The following FRMD6 variants were observed in gnomAD, a reference collection of about 807,000 sequenced individuals.
The protein encoded by FRMD6 is FERM domain-containing protein 6.
In FRMD6, 37 loss-of-function variants were observed where a neutral mutation model predicts 73.2. That is an observed-to-expected ratio of 0.51 (90% CI 0.39 to 0.66). FRMD6 has a LOEUF of 0.66. Ranked by LOEUF, FRMD6 falls within the 30% of genes least tolerant of loss-of-function variation. The pLI is 0.00. For synonymous variants in FRMD6, 273 were observed against 282.2 expected (o/e 0.97, Z 0.33); for missense variants, 714 against 780.5 (o/e 0.91, Z 1.02).
At chr14:51,711,666 T>C in intron 8 of FRMD6, 70 bp downstream of exon 8, 2 of 1,094,714 alleles carry the variant, frequency 1.8e-6, no homozygotes, top group Non-Finnish European at 2.8e-6. Context: ...TCTGTGGTCC[T>C]GCCACAGGTT....
At chr14:51,427,177 C>T in the FRMD6 span, among the ~76,000 whole-genome samples, 2 of 152,184 alleles carry the variant, frequency 1.3e-5, no homozygotes, top group Non-Finnish European at 2.9e-5. Flanking sequence ...ATCGGTTTAT[C>T]TCATGGGCTA....
the FRMD6 span, among the ~76,000 whole-genome samples, chr14:51,471,501 GAAA>G: frequency 2.5e-5 from 3 of 119,570 alleles, no homozygotes; most frequent in African/African-American, 6.4e-5. Context: ...ACTCCGTCTC[GAAA>G]AAAAAAAAAA....
At chr14:51,610,258 ACTC>A (rs1890435465) in intron 2 of FRMD6, among the ~76,000 whole-genome samples, 1 of 145,338 alleles carries the variant, frequency 6.9e-6, no homozygotes, top group South Asian at 2.2e-4. Flanking sequence ...TCCTCCAACC[ACTC>A]CTATCTTCTA....
intron 1 of FRMD6, among the ~76,000 whole-genome samples, chr14:51,553,807 C>T (rs756108966): frequency 4.7e-4 from 71 of 151,996 alleles, no homozygotes; most frequent in African/African-American, 1.6e-3. Flanking sequence ...TGGAGTTTAC[C>T]GAGCGGATGA....
At chr14:51,457,903 A>C in the FRMD6 span, among the ~76,000 whole-genome samples, 4 of 152,232 alleles carry the variant, frequency 2.6e-5, no homozygotes, top group Non-Finnish European at 5.9e-5. Flanking sequence ...AATGGGGAAC[A>C]CATGGATCAA....
intron 1 of FRMD6, among the ~76,000 whole-genome samples, chr14:51,654,314 G>C (rs1204817854): frequency 7.5e-6 from 1 of 133,584 alleles, no homozygotes; most frequent in Non-Finnish European, 1.6e-5. Context: ...TTGGGGGGGG[G>C]GTCTTTTTGT....
intron 1 of FRMD6, among the ~76,000 whole-genome samples, chr14:51,530,783 G>T (rs879861073): frequency 6.6e-6 from 1 of 152,052 alleles, no homozygotes; most frequent in South Asian, 2.1e-4. Context: ...CACCATACCC[G>T]GCTGCAAGAT....
intron 1 of FRMD6, among the ~76,000 whole-genome samples, chr14:51,663,125 G>T (rs1403028887): frequency 6.6e-6 from 1 of 152,188 alleles, no homozygotes; most frequent in Non-Finnish European, 1.5e-5. Context: ...ACAGATGCTG[G>T]CAAGGTTGTG....
the FRMD6 span, among the ~76,000 whole-genome samples, chr14:51,444,444 A>G: frequency 6.6e-6 from 1 of 152,232 alleles, no homozygotes; most frequent in African/African-American, 2.4e-5. Flanking sequence ...AACTGGGGTT[A>G]CACTGCCATT....
At chr14:51,533,587 G>A (rs1041867240) in intron 1 of FRMD6, among the ~76,000 whole-genome samples, 1 of 152,060 alleles carries the variant, frequency 6.6e-6, no homozygotes, top group Non-Finnish European at 1.5e-5. Flanking sequence ...TCAGCAACTG[G>A]GAAATAATCA....
intron 3 of FRMD6, among the ~76,000 whole-genome samples, chr14:51,699,939 C>CTT (rs59719776): frequency 5.9e-5 from 9 of 151,490 alleles, no homozygotes; most frequent in African/African-American, 9.7e-5. Context: ...AGTAGCATTC[C>CTT]TTTTTTTGTC....
At chr14:51,528,162 A>G (rs1885369930) in intron 1 of FRMD6, among the ~76,000 whole-genome samples, 1 of 152,028 alleles carries the variant, frequency 6.6e-6, no homozygotes, top group Non-Finnish European at 1.5e-5. Flanking sequence ...CAAACAAACA[A>G]AACAAGAAAG....
intron 2 of FRMD6, among the ~76,000 whole-genome samples, chr14:51,576,661 C>A (rs1236937618): frequency 6.6e-6 from 1 of 152,120 alleles, no homozygotes; most frequent in African/African-American, 2.4e-5. Flanking sequence ...GCATGTTATC[C>A]CTTGACCCAT....
chr14:51,666,589 C>G (rs1397406933), intron 1 of FRMD6, among the ~76,000 whole-genome samples: 3 of 152,124 alleles, frequency 2.0e-5, no homozygotes, highest in Non-Finnish European at 2.9e-5. Context: ...AATTCCTTAA[C>G]TTTCTCATAT....
chr14:51,595,334 T>C (rs1386647568), intron 2 of FRMD6, among the ~76,000 whole-genome samples: 1 of 152,158 alleles, frequency 6.6e-6, no homozygotes, highest in Non-Finnish European at 1.5e-5. Flanking sequence ...TGTTATTAGA[T>C]CCCATTTTCT....
intron 1 of FRMD6, among the ~76,000 whole-genome samples, chr14:51,566,229 A>G (rs1051178262): frequency 1.3e-5 from 2 of 152,216 alleles, no homozygotes; most frequent in African/African-American, 4.8e-5. Context: ...CAAAGGAATG[A>G]CCATTCCAGT....
chr14:51,692,653 G>A (rs1895683290), intron 2 of FRMD6: 1 of 152,166 alleles, frequency 6.6e-6, no homozygotes, highest in African/African-American at 2.4e-5. Context: ...GAACAGACTG[G>A]AAGATAGCTA....
chr14:51,398,559 C>T, the FRMD6 span, among the ~76,000 whole-genome samples: 1 of 151,740 alleles, frequency 6.6e-6, no homozygotes, highest in Non-Finnish European at 1.5e-5. Flanking sequence ...GAGCAAATTG[C>T]ATTTTTTTTT....
the FRMD6 span, among the ~76,000 whole-genome samples, chr14:51,437,322 G>A: frequency 2.6e-5 from 4 of 152,050 alleles, no homozygotes; most frequent in East Asian, 3.9e-4. Flanking sequence ...TCTCCTTTTG[G>A]GATGGAGTCT....
Sources: allele counts gnomAD v4.1 joint callset (sites outside exome capture counted in the v4.1 genomes callset), GRCh38; gene constraint gnomAD v4.1.1; transcripts MANE v1.5; gene names NCBI Gene and HGNC (gene_info 2026-07-23, HGNC 2026-07-21).